The following NELL1 variants were observed in gnomAD, a reference collection of about 807,000 sequenced individuals.
NELL1 encodes the protein protein kinase C-binding protein NELL1.
NELL1 carries 76 observed loss-of-function variants against 107.4 expected under a neutral mutation model. The ratio of observed to expected loss-of-function variants is 0.71; its 90% CI spans 0.59 to 0.86. The LOEUF (loss-of-function observed/expected upper bound fraction) is 0.86, where lower values mean the gene tolerates loss of function less well. Among genes scored for constraint, NELL1 ranks in the 40% least tolerant of loss-of-function variants. NELL1 has a pLI of 0.00. For synonymous variants in NELL1, 353 were observed against 341.2 expected (o/e 1.03, Z -0.38); for missense variants, 1,024 against 1,005.5 (o/e 1.02, Z -0.25).
At chr11:21,526,978 C>T (rs1444738728) in intron 15 of NELL1, among the ~76,000 whole-genome samples, 3 of 152,196 alleles carry the variant, frequency 2.0e-5, no homozygotes, top group Admixed American at 6.5e-5. Context: ...ATTTCTGCTG[C>T]CTGCTTGAAT....
At chr11:21,009,519 C>T (rs1172863817) in intron 12 of NELL1, among the ~76,000 whole-genome samples, 1 of 151,994 alleles carries the variant, frequency 6.6e-6, no homozygotes, top group Non-Finnish European at 1.5e-5. Flanking sequence ...CACAAGGGTG[C>T]ATAATTGGTT....
intron 14 of NELL1, among the ~76,000 whole-genome samples, chr11:21,335,672 CATT>C (rs996838765): frequency 6.6e-6 from 1 of 152,044 alleles, no homozygotes; most frequent in African/African-American, 2.4e-5. Context: ...AAGCTTATGA[CATT>C]ATTAGGTCCT....
intron 3 of NELL1, among the ~76,000 whole-genome samples, chr11:20,789,548 C>G (rs80319897): frequency 0.028 from 4,332 of 152,322 alleles, 206 homozygotes; most frequent in African/African-American, 0.098. Flanking sequence ...CTTCTCTCCT[C>G]TTTGCCCCCA....
At chr11:21,491,484 G>A (rs1239321158) in intron 15 of NELL1, among the ~76,000 whole-genome samples, 3 of 151,962 alleles carry the variant, frequency 2.0e-5, no homozygotes, top group African/African-American at 7.3e-5. Flanking sequence ...TTTTTCTCAG[G>A]TTTGTCAAAG....
intron 12 of NELL1, among the ~76,000 whole-genome samples, chr11:20,967,851 G>T (rs554980719): frequency 6.6e-6 from 1 of 152,184 alleles, no homozygotes; most frequent in African/African-American, 2.4e-5. Context: ...ACCCAAATTT[G>T]GTCCTGTGTC....
chr11:21,280,529 G>C (rs1848969479), intron 14 of NELL1, among the ~76,000 whole-genome samples: 1 of 152,146 alleles, frequency 6.6e-6, no homozygotes, highest in African/African-American at 2.4e-5. Flanking sequence ...TTTGTGGGAG[G>C]GGGAGAGCAT....
At chr11:21,329,164 A>G (rs768379239) in intron 14 of NELL1, among the ~76,000 whole-genome samples, 6 of 152,178 alleles carry the variant, frequency 3.9e-5, no homozygotes, top group Admixed American at 2.0e-4. Context: ...TGTAGTTTCC[A>G]TAATCTCCAC....
At chr11:21,185,359 A>G (rs1288925483) in intron 13 of NELL1, among the ~76,000 whole-genome samples, 1 of 137,394 alleles carries the variant, frequency 7.3e-6, no homozygotes, top group Non-Finnish European at 1.5e-5. Context: ...ATAGTGGTGC[A>G]TCTCAGCTCA....
chr11:21,223,839 G>C (rs544923764), intron 13 of NELL1, among the ~76,000 whole-genome samples: 2 of 152,084 alleles, frequency 1.3e-5, no homozygotes, highest in East Asian at 1.9e-4. Context: ...AGCTTTTCTC[G>C]TAGATCAGGT....
intron 9 of NELL1, among the ~76,000 whole-genome samples, chr11:20,929,436 CT>C (rs562139864): frequency 0.016 from 2,275 of 142,622 alleles, 11 homozygotes; most frequent in African/African-American, 0.019. Context: ...TGTAATCTTC[CT>C]TTTTTTTTTT....
intron 12 of NELL1, among the ~76,000 whole-genome samples, chr11:20,976,923 C>T (rs1282167891): frequency 6.6e-6 from 1 of 151,620 alleles, no homozygotes; most frequent in Non-Finnish European, 1.5e-5. Flanking sequence ...TGTTGTTTCT[C>T]TTCCATAATT....
chr11:20,915,717 A>ATATATATATATATTTTTTTTTTT, intron 5 of NELL1, among the ~76,000 whole-genome samples: 28 of 58,210 alleles, frequency 4.8e-4, no homozygotes, highest in African/African-American at 2.2e-3. Flanking sequence ...ATATATATAT[A>ATATATATATATATTTTTTTTTTT]TTTTTTTTTT....
chr11:20,727,695 G>A (rs1590238339), intron 2 of NELL1, among the ~76,000 whole-genome samples: 1 of 152,266 alleles, frequency 6.6e-6, no homozygotes, highest in East Asian at 1.9e-4. Flanking sequence ...GAATGGTATT[G>A]CCTAGGTTTT....
intron 2 of NELL1, among the ~76,000 whole-genome samples, chr11:20,733,897 G>C (rs1228883024): frequency 6.6e-6 from 1 of 152,160 alleles, no homozygotes; most frequent in African/African-American, 2.4e-5. Flanking sequence ...AGCGTAGACA[G>C]TCAATTAACC....
chr11:21,513,316 A>AT (rs1855483776), intron 15 of NELL1, among the ~76,000 whole-genome samples: 2 of 152,108 alleles, frequency 1.3e-5, no homozygotes, highest in Non-Finnish European at 2.9e-5. Flanking sequence ...AAGTGTGTTT[A>AT]TTTTTTTCCA....
chr11:20,699,964 T>G (rs942201796), intron 2 of NELL1, among the ~76,000 whole-genome samples: 2 of 152,304 alleles, frequency 1.3e-5, no homozygotes, highest in South Asian at 4.1e-4. Flanking sequence ...GTTTTTAAAC[T>G]ATGGCCATTC....
At chr11:20,938,895 C>T (rs2134186850) in intron 10 of NELL1, among the ~76,000 whole-genome samples, 1 of 137,212 alleles carries the variant, frequency 7.3e-6, no homozygotes, top group East Asian at 2.1e-4. Context: ...TTGAAGCTCT[C>T]TCTTCTCTCT....
intron 5 of NELL1, among the ~76,000 whole-genome samples, chr11:20,895,046 C>T (rs1025108421): frequency 2.0e-5 from 3 of 148,870 alleles, no homozygotes; most frequent in Non-Finnish European, 3.0e-5. Flanking sequence ...CCGAGGCGGG[C>T]GGATCACGAG....
At chr11:20,681,537 A>C (rs776920823) in intron 2 of NELL1, among the ~76,000 whole-genome samples, 2 of 151,946 alleles carry the variant, frequency 1.3e-5, no homozygotes, top group Non-Finnish European at 2.9e-5. Context: ...CTCCTTAAAA[A>C]TTTTCCAGCC....
Sources: allele counts gnomAD v4.1 joint callset (sites outside exome capture counted in the v4.1 genomes callset), GRCh38; gene constraint gnomAD v4.1.1; transcripts MANE v1.5; gene names NCBI Gene and HGNC (gene_info 2026-07-23, HGNC 2026-07-21).